PREX1: variants seen among roughly 807,000 people sequenced by gnomAD.
PREX1 encodes phosphatidylinositol 3,4,5-trisphosphate-dependent Rac exchanger 1 protein.
A neutral mutation model predicts 198.3 loss-of-function variants in PREX1; 41 were observed. The observed-to-expected ratio is 0.21, with a 90% CI of 0.16 to 0.27. The LOEUF is 0.27. Ranked by LOEUF, PREX1 falls within the 10% of genes least tolerant of loss-of-function variation. The probability of loss-of-function intolerance (pLI) is 1.00; values close to 1 mark genes in which losing one functional copy is unlikely to be tolerated. For missense variants in PREX1, 1,620 were observed against 2,200.7 expected (o/e 0.74, Z 5.28); for synonymous variants, 843 against 887.2 (o/e 0.95, Z 0.89).
chr20:48,649,567 T>C lies in PREX1; in HGVS notation c.3038A>G (p.Asn1013Ser). 1.9e-6 allele frequency: 3 copies of C among 1,595,094 alleles called. No homozygotes were observed. Among genetic ancestry groups the C allele is most frequent in the Non-Finnish European group, 2.6e-6 (3 of 1,169,772 alleles). The change falls in exon 25 of 40, where the codon AAC becomes AGC. Residue 1013 changes from asparagine to serine, a missense_variant. Physicochemically the swap from Asn to Ser is conservative, Grantham distance 46. Around this residue, in one of 7 missense-constraint regions of PREX1, gnomAD observed 514 missense variants for 611.6 expected, o/e 0.84. Transcript: ENST00000371941. Reference protein sequence around the residue: ...IGLDPEQGHLNPMSYTQHCIT... With the variant: ...IGLDPEQGHLSPMSYTQHCIT... The stretch of plus-strand genomic sequence containing the variant: ...GCAGTGCTGGGTGTACGACATGGGG[T>C]TCAGGTGGCCTGCAGTGGAGGAAGA...
chr20:48,659,233 A>AAAGGAAGGAAAG (rs1555832534), intron 16 of PREX1, among the ~76,000 whole-genome samples: 7 of 98,844 alleles, frequency 7.1e-5, no homozygotes, highest in African/African-American at 2.3e-4. Context: ...GAGAGAAAGA[A>AAAGGAAGGAAAG]AAGGAAGGAA....
intron 1 of PREX1, among the ~76,000 whole-genome samples, chr20:48,817,482 C>T (rs1407685102): frequency 6.6e-6 from 1 of 152,180 alleles, no homozygotes; most frequent in Non-Finnish European, 1.5e-5. Context: ...GCTCAGGTGC[C>T]AGGCAGTGAG....
intron 5 of PREX1, among the ~76,000 whole-genome samples, chr20:48,713,856 A>AT (rs1376419778): frequency 2.9e-5 from 3 of 102,036 alleles, no homozygotes; most frequent in South Asian, 4.1e-4. Context: ...TCCCAGAACT[A>AT]TAAAAAAAAA....
At chr20:48,737,215 CAAAAAAAAAAAAA>C (rs140010281) in intron 3 of PREX1, among the ~76,000 whole-genome samples, 31 of 35,304 alleles carry the variant, frequency 8.8e-4, no homozygotes, top group Middle Eastern at 0.024. Context: ...GTTTTGACAG[CAAAAAAAAAAAAA>C]AAAAAAAAAA....
chr20:48,643,320 T>C (rs1350917894), intron 27 of PREX1, among the ~76,000 whole-genome samples: 1 of 152,024 alleles, frequency 6.6e-6, no homozygotes, highest in African/African-American at 2.4e-5. Context: ...AATACAAAAA[T>C]TATCTGAATG....
chr20:48,760,935 C>A (rs1015355822), intron 1 of PREX1, among the ~76,000 whole-genome samples: 1 of 152,170 alleles, frequency 6.6e-6, no homozygotes, highest in Non-Finnish European at 1.5e-5. Context: ...CAGACTAACT[C>A]CCCACCTTCA....
At chr20:48,785,852 G>T (rs2090309689) in intron 1 of PREX1, among the ~76,000 whole-genome samples, 1 of 152,228 alleles carries the variant, frequency 6.6e-6, no homozygotes, top group Non-Finnish European at 1.5e-5. Context: ...CCATCATGTG[G>T]CAGGCGGTGG....
chr20:48,770,083 G>A (rs2090228325), intron 1 of PREX1, among the ~76,000 whole-genome samples: 1 of 152,202 alleles, frequency 6.6e-6, no homozygotes, highest in South Asian at 2.1e-4. Flanking sequence ...AAGAATATGT[G>A]CTATCTTTAC....
chr20:48,626,490 T>G (rs747855631), intron 39 of PREX1, among the ~76,000 whole-genome samples: 6 of 152,180 alleles, frequency 3.9e-5, no homozygotes, highest in Non-Finnish European at 8.8e-5. Flanking sequence ...TGCCTTAGCG[T>G]CCCCACCTGC....
intron 1 of PREX1, among the ~76,000 whole-genome samples, chr20:48,824,034 T>C (rs1353985412): frequency 1.3e-5 from 2 of 152,278 alleles, no homozygotes; most frequent in African/African-American, 4.8e-5. Context: ...TGCACAGCAA[T>C]GACTGTCATT....
chr20:48,745,251 A>C, intron 2 of PREX1, 104 bp from the exon 3 acceptor site: 1 of 1,288,210 alleles, frequency 7.8e-7, no homozygotes. Flanking sequence ...ATTGTAGTCA[A>C]AGAAGAACTC....
chr20:48,710,788 C>T (rs1357964816), intron 5 of PREX1, among the ~76,000 whole-genome samples: 2 of 152,258 alleles, frequency 1.3e-5, no homozygotes, highest in Admixed American at 6.5e-5. Flanking sequence ...CCACGGGCCA[C>T]ACTGCGTCTG....
chr20:48,837,683 AG>A, the PREX1 span, among the ~76,000 whole-genome samples: 1 of 152,124 alleles, frequency 6.6e-6, no homozygotes, highest in Non-Finnish European at 1.5e-5. Flanking sequence ...GAAGATTGGG[AG>A]GAGGGAGAGG....
At chr20:48,725,521 G>A (rs1284334943) in intron 5 of PREX1, among the ~76,000 whole-genome samples, 1 of 152,214 alleles carries the variant, frequency 6.6e-6, no homozygotes, top group Admixed American at 6.5e-5. Flanking sequence ...GAAACAGCAG[G>A]TGTATGGAAG....
chr20:48,655,600 C>A (rs1262766844), intron 18 of PREX1, among the ~76,000 whole-genome samples: 2 of 152,240 alleles, frequency 1.3e-5, no homozygotes, highest in Non-Finnish European at 2.9e-5. Flanking sequence ...AACCCACTGG[C>A]CTGCCCTTGG....
intron 18 of PREX1, 95 bp downstream of exon 18, chr20:48,656,945 C>T: frequency 4.3e-6 from 6 of 1,409,862 alleles, no homozygotes; most frequent in Non-Finnish European, 5.7e-6. Context: ...GGGTCCCAGC[C>T]ACGGGGGACC....
At chr20:48,744,486 G>A (rs1349100548) in intron 3 of PREX1, among the ~76,000 whole-genome samples, 2 of 152,190 alleles carry the variant, frequency 1.3e-5, no homozygotes, top group Non-Finnish European at 2.9e-5. Context: ...GTATGGAAAA[G>A]CAGTTGCCTT....
rs187542431 is a variant in PREX1 at position 48,798,965 on chromosome 20, C to T, written c.219+28677G>A. Among the ~76,000 whole-genome samples the T allele has an allele frequency of 1.1e-4, 17 of 152,238 alleles. No individual in the cohort carries two copies. The East Asian group carries it at 2.3e-3, about 21-fold the overall frequency. Reference sequence around the variant, plus strand: ...AGGCTCCAGTGCAATGGCGAGATCTCGGCTCACTGAAACCTCCACCTCCCG... The same window carrying T: ...AGGCTCCAGTGCAATGGCGAGATCTTGGCTCACTGAAACCTCCACCTCCCG... On this transcript the variant is annotated intron_variant, in intron 1 of 39. Coordinates refer to ENST00000371941, the MANE Select transcript of PREX1 (RefSeq NM_020820.4).
chr20:48,748,557 T>G (rs2090119902), intron 1 of PREX1, among the ~76,000 whole-genome samples: 1 of 152,112 alleles, frequency 6.6e-6, no homozygotes, highest in African/African-American at 2.4e-5. Flanking sequence ...CTACTTAATA[T>G]AGCTCAGAGA....
Sources: gnomAD v4.1 joint callset for allele counts (sites outside exome capture counted in the v4.1 genomes callset) on GRCh38, gnomAD v4.1.1 for gene constraint, gnomAD v4.1.1 regional missense constraint, MANE v1.5 for transcripts, NCBI Gene and HGNC (gene_info 2026-07-23, HGNC 2026-07-21) for gene names.